Variants in SAMD3 observed in about 807,000 individuals in gnomAD.
SAMD3 encodes the protein sterile alpha motif domain containing 3.
SAMD3 carries 63 observed loss-of-function variants against 58.5 expected under a neutral mutation model. The observed-to-expected ratio is 1.08, with a 90% CI of 0.88 to 1.33. The LOEUF (loss-of-function observed/expected upper bound fraction) is 1.33. Ranked by LOEUF, SAMD3 falls within the 40% of genes most tolerant of loss-of-function variation. The probability of loss-of-function intolerance (pLI) is 0.00; values close to 1 mark genes in which losing one functional copy is unlikely to be tolerated. For synonymous variants in SAMD3, 220 were observed against 210.3 expected, an observed-to-expected ratio of 1.05 and a Z score of -0.40; for missense variants, 604 against 608.4, an observed-to-expected ratio of 0.99 and a Z score of 0.08.
chr6:130,324,880 C>T (rs1027946360), intron 1 of SAMD3, among the ~76,000 whole-genome samples: 2 of 152,022 alleles, frequency 1.3e-5, no homozygotes, highest in Non-Finnish European at 2.9e-5. Flanking sequence ...AATTCTTTCC[C>T]GGTGCCTCAC....
chr6:130,179,381 A>C (rs947303808), intron 7 of SAMD3, among the ~76,000 whole-genome samples: 2 of 152,134 alleles, frequency 1.3e-5, no homozygotes, highest in African/African-American at 4.8e-5. Flanking sequence ...AGGGTGTAGA[A>C]AGTTCTACAT....
rs574971796 is a variant in SAMD3, at chr6:130,333,812, C to T, written c.-303-20719G>A. ...AGCTCATCACAGTCATCTATAGTCA[C>T]GCTTCAAGCCTGTGTGCTCTCTGCT... On this transcript the variant is annotated intron_variant, in intron 1 of 13. Transcript: ENST00000368134. Among the ~76,000 whole-genome samples, 9 of 152,300 alleles carry T rather than the reference C, an allele frequency of 5.9e-5. No homozygotes were observed. In the South Asian group the frequency reaches 6.2e-4, roughly 11 times the overall value.
chr6:130,339,989 G>C lies in SAMD3; in HGVS notation c.-304+25131C>G, dbSNP rs1777220957. On this transcript the variant is annotated intron_variant, in intron 1 of 13. Coordinates refer to the SAMD3 transcript ENST00000368134. ...CAAAAGTTATGGGACTCTTAATATTGCCATAGGTTCCCTCAGAGGGCTCAC... is the reference window on the plus strand; with the variant it reads ...CAAAAGTTATGGGACTCTTAATATTCCCATAGGTTCCCTCAGAGGGCTCAC... 2.0e-5 allele frequency among the ~76,000 whole-genome samples: 3 copies of C among 152,162 alleles called. No homozygotes were observed. The East Asian group carries it at 5.8e-4, about 29-fold the overall frequency.
intron 2 of SAMD3, among the ~76,000 whole-genome samples, chr6:130,282,069 G>A (rs1774999063): frequency 6.6e-6 from 1 of 152,042 alleles, no homozygotes; most frequent in Admixed American, 6.6e-5. Context: ...GAGCTACTCA[G>A]GAAAGTCTTA....
intron 1 of SAMD3, among the ~76,000 whole-genome samples, chr6:130,352,307 A>G (rs1777700410): frequency 6.6e-6 from 1 of 152,168 alleles, no homozygotes. Flanking sequence ...TCAAGATATT[A>G]AGACTTTATG....
intron 2 of SAMD3, among the ~76,000 whole-genome samples, chr6:130,309,457 G>A (rs1054287215): frequency 6.6e-6 from 1 of 152,154 alleles, no homozygotes; most frequent in Non-Finnish European, 1.5e-5. Flanking sequence ...TGTAGCTACT[G>A]TTCTTGAATC....
intron 2 of SAMD3, among the ~76,000 whole-genome samples, chr6:130,278,335 T>A (rs1018634776): frequency 2.0e-5 from 3 of 152,186 alleles, no homozygotes; most frequent in Non-Finnish European, 4.4e-5. Context: ...GGAGTCTGAT[T>A]TGAGTAATAA....
At chr6:130,298,689 A>G (rs1583067570) in intron 2 of SAMD3, among the ~76,000 whole-genome samples, 1 of 152,228 alleles carries the variant, frequency 6.6e-6, no homozygotes, top group African/African-American at 2.4e-5. Flanking sequence ...ACAGAGTGGC[A>G]CATTGGGCAG....
At chr6:130,223,883 T>C (rs1459343893), upstream of SAMD3, among the ~76,000 whole-genome samples, 1 of 152,198 alleles carries the variant, frequency 6.6e-6, no homozygotes, top group Non-Finnish European at 1.5e-5. Context: ...TGGCTTGTGT[T>C]AATCAGCTCA....
intron 1 of SAMD3, among the ~76,000 whole-genome samples, chr6:130,344,852 A>AAAG (rs1777394309): frequency 1.3e-5 from 2 of 149,898 alleles, no homozygotes; most frequent in African/African-American, 4.9e-5. Context: ...AAAAAAAAAA[A>AAAG]AGAGAAAGAC....
intron 5 of SAMD3, among the ~76,000 whole-genome samples, chr6:130,208,361 G>A (rs1795253575): frequency 6.6e-6 from 1 of 152,194 alleles, no homozygotes. Context: ...GTGAAATGCT[G>A]TAGGACAGGG....
intron 5 of SAMD3, among the ~76,000 whole-genome samples, chr6:130,207,216 G>T (rs186694374): frequency 7.9e-5 from 12 of 151,596 alleles, no homozygotes; most frequent in African/African-American, 2.4e-4. Context: ...GGTATAGAAG[G>T]TTGCATCCTC....
chr6:130,211,764 C>T (rs188960631), intron 4 of SAMD3, among the ~76,000 whole-genome samples: 12 of 151,992 alleles, frequency 7.9e-5, no homozygotes, highest in Admixed American at 2.6e-4. Flanking sequence ...CCTCCTGAAG[C>T]TGTGTCATGG....
intron 2 of SAMD3, among the ~76,000 whole-genome samples, chr6:130,270,814 T>A (rs1774531721): frequency 6.6e-6 from 1 of 151,904 alleles, no homozygotes; most frequent in African/African-American, 2.4e-5. Context: ...GGGTATTTTT[T>A]GTTGTTATAA....
At chr6:130,293,677 T>G (rs1775461524) in intron 2 of SAMD3, among the ~76,000 whole-genome samples, 1 of 101,638 alleles carries the variant, frequency 9.8e-6, no homozygotes, top group Non-Finnish European at 2.2e-5. Flanking sequence ...ATATTTGATG[T>G]TGACATATGA....
At chr6:130,331,771 A>T (rs1389446951) in intron 1 of SAMD3, among the ~76,000 whole-genome samples, 2 of 152,228 alleles carry the variant, frequency 1.3e-5, no homozygotes, top group Non-Finnish European at 2.9e-5. Context: ...ATTTTATGCT[A>T]ACTAGTTTTA....
At chr6:130,347,906 G>C (rs1275910408) in intron 1 of SAMD3, among the ~76,000 whole-genome samples, 1 of 152,220 alleles carries the variant, frequency 6.6e-6, no homozygotes, top group African/African-American at 2.4e-5. Context: ...AGCCAGAAGA[G>C]AGTGGGGGCC....
intron 5 of SAMD3, among the ~76,000 whole-genome samples, chr6:130,185,791 CA>C (rs1448498727): frequency 6.6e-6 from 1 of 151,976 alleles, no homozygotes; most frequent in Non-Finnish European, 1.5e-5. Context: ...CCACCATGCC[CA>C]GCCAATATTT....
At position 130,346,523 on chromosome 6, in the gene SAMD3, G is replaced by A. The variant is rs1310220679; in HGVS notation, c.-304+18597C>T. On this transcript the variant is annotated intron_variant, in intron 1 of 13. Coordinates refer to the SAMD3 transcript ENST00000368134. ...CTGCAAGGTGGCAGTGAGGATGGGG[G>A]AGGGGCTCCGGCCATTGCCCCATTG... Among the ~76,000 whole-genome samples the A allele has an allele frequency of 2.6e-5, 4 of 152,210 alleles. No individual in the cohort carries two copies. The East Asian group carries it at 7.7e-4, about 29-fold the overall frequency.
Sources: gnomAD v4.1 joint callset for allele counts (sites outside exome capture counted in the v4.1 genomes callset) on GRCh38, gnomAD v4.1.1 for gene constraint, MANE v1.5 for transcripts, NCBI Gene and HGNC (gene_info 2026-07-23, HGNC 2026-07-21) for gene names.